Variants in CPLX1 observed in about 807,000 individuals in gnomAD.
CPLX1 encodes the protein complexin-1.
A neutral mutation model predicts 15.6 loss-of-function variants in CPLX1; 6 were observed. The ratio of observed to expected loss-of-function variants is 0.39; its 90% CI spans 0.21 to 0.76. The LOEUF is 0.76. Ranked by LOEUF, CPLX1 falls within the 30% of genes least tolerant of loss-of-function variation. The pLI is 0.43. For synonymous variants in CPLX1, 91 were observed against 75.2 expected, an observed-to-expected ratio of 1.21 and a Z score of -1.08; for missense variants, 242 against 188.6, an observed-to-expected ratio of 1.28 and a Z score of -1.66.
chr4:804,029 G>A (rs908539786), intron 2 of CPLX1, among the ~76,000 whole-genome samples: 5 of 152,244 alleles, frequency 3.3e-5, no homozygotes, highest in African/African-American at 9.6e-5. Context: ...CCGCTACTGC[G>A]GTGTTCAGTG....
chr4:786,140 A>C lies in CPLX1; in HGVS notation c.*361T>G. ...CCCGTCTGCTATGGCTGTGCTCCTGAGTGCGGGCCCGACAGGCGCCCACCG... is the reference window on the plus strand; with the variant it reads ...CCCGTCTGCTATGGCTGTGCTCCTGCGTGCGGGCCCGACAGGCGCCCACCG... On this transcript the variant is annotated 3_prime_UTR_variant, in exon 4 of 4. Coordinates refer to ENST00000304062, the MANE Select transcript of CPLX1 (RefSeq NM_006651.4). The C allele has an allele frequency of 1.2e-5, 2 of 164,858 alleles. No individual in the cohort carries two copies. The highest frequency in any genetic ancestry group is 2.6e-5 in the Non-Finnish European group (2 of 76,626). The allele number at this position is 164,858 out of a possible 1,614,324, so 10.2% of individuals were successfully genotyped here.
At position 787,075 on chromosome 4, in the gene CPLX1, G is replaced by C. The variant is rs1484874223; in HGVS notation, c.208-377C>G. 7.1e-6 allele frequency: 7 copies of C among 985,258 alleles called. No homozygotes were observed. In the African/African-American group the frequency reaches 1.0e-4, roughly 15 times the overall value. The allele number at this position is 985,258 out of a possible 1,614,324, so 61.0% of individuals were successfully genotyped here. The stretch of plus-strand genomic sequence containing the variant: ...GGGGTGGGCAGGATGCTGCGTGGCA[G>C]AGGTGGGGAGAAACAGTCAACCCGC... On this transcript the variant is annotated intron_variant, in intron 3 of 3. Coordinates refer to ENST00000304062, the MANE Select transcript of CPLX1 (RefSeq NM_006651.4).
At chr4:799,103 CCTT>C (rs1386252796) in intron 2 of CPLX1, among the ~76,000 whole-genome samples, 3 of 152,228 alleles carry the variant, frequency 2.0e-5, no homozygotes, top group South Asian at 2.1e-4. Flanking sequence ...CTCTCTCTGA[CCTT>C]CTGCCCTCTT....
At chr4:804,943 T>G in intron 2 of CPLX1, 9 of 981,444 alleles carry the variant, frequency 9.2e-6, no homozygotes, top group Non-Finnish European at 1.1e-5. Context: ...ACGTGCGGAG[T>G]TCACCCGGCG....
intron 2 of CPLX1, among the ~76,000 whole-genome samples, chr4:816,659 T>A (rs115070328): frequency 8.2e-5 from 12 of 146,500 alleles, no homozygotes; most frequent in African/African-American, 3.0e-4. Context: ...GACCCTGTCT[T>A]AAAAAAAAAA....
intron 2 of CPLX1, among the ~76,000 whole-genome samples, chr4:821,444 C>G (rs1046960916): frequency 3.3e-5 from 5 of 152,164 alleles, no homozygotes; most frequent in Admixed American, 6.5e-5. Flanking sequence ...TCCCGAGGAC[C>G]TGAGCGTGTT....
rs532957839 is a variant in CPLX1 at position 821,562 on chromosome 4, G to A, written c.31+2930C>T. ...TCTGCAGTGACCACGGCACCCACAC[G>A]TGCCACGTTCCTCCACGCTGTCCAC... is the stretch of plus-strand genomic sequence containing the variant. On this transcript the variant is annotated intron_variant, in intron 2 of 3. Coordinates refer to ENST00000304062, the MANE Select transcript of CPLX1 (RefSeq NM_006651.4). 5.0e-4 allele frequency among the ~76,000 whole-genome samples: 76 copies of A among 152,324 alleles called. 1 individual carries two copies. Among genetic ancestry groups the A allele is most frequent in the Admixed American group, 4.9e-3 (75 of 15,300 alleles).
chr4:799,829 CT>C (rs1314716812), intron 2 of CPLX1, among the ~76,000 whole-genome samples: 3 of 152,208 alleles, frequency 2.0e-5, no homozygotes, highest in African/African-American at 7.2e-5. Context: ...CACCATTGTA[CT>C]TTAGCCTGAG....
chr4:786,929 G>A (rs6816802), intron 3 of CPLX1: 266,176 of 979,458 alleles, frequency 0.27, 38,311 homozygotes, highest in African/African-American at 0.53. Context: ...GGGGGGAGCA[G>A]GGAGGGGGAG....
chr4:817,489 C>T (rs1474582577), intron 2 of CPLX1, among the ~76,000 whole-genome samples: 2 of 151,054 alleles, frequency 1.3e-5, no homozygotes, highest in African/African-American at 4.9e-5. Context: ...ACCCAGGAGG[C>T]GGAGGTTATA....
chr4:825,066 G>C (rs1746952187), intron 1 of CPLX1, among the ~76,000 whole-genome samples: 1 of 152,208 alleles, frequency 6.6e-6, no homozygotes, highest in Non-Finnish European at 1.5e-5. Flanking sequence ...AGGGAGGCTT[G>C]GGTGACCCTA....
chr4:804,631 G>C, intron 2 of CPLX1: 4 of 593,352 alleles, frequency 6.7e-6, no homozygotes, highest in Non-Finnish European at 8.5e-6. Flanking sequence ...AATCCGGATC[G>C]CACCTTCAGC....
At chr4:824,801 C>T in intron 1 of CPLX1, 200 bp from the exon 2 acceptor site, 2 of 656,242 alleles carry the variant, frequency 3.0e-6, no homozygotes, top group East Asian at 6.0e-5. Context: ...ATGGTCTCCC[C>T]AGCTCCTGGG....
At chr4:818,224 G>A (rs1746796921) in intron 2 of CPLX1, among the ~76,000 whole-genome samples, 1 of 152,248 alleles carries the variant, frequency 6.6e-6, no homozygotes, top group African/African-American at 2.4e-5. Flanking sequence ...GAGGCACCGA[G>A]GCGCTGGAGA....
At chr4:822,870 C>A (rs1746898350) in intron 2 of CPLX1, among the ~76,000 whole-genome samples, 1 of 69,840 alleles carries the variant, frequency 1.4e-5, no homozygotes, top group Non-Finnish European at 3.0e-5. Context: ...TGGCTCCGAG[C>A]CTCAACGTGC....
intron 2 of CPLX1, among the ~76,000 whole-genome samples, chr4:795,906 C>G (rs770882767): frequency 7.9e-5 from 12 of 152,234 alleles, no homozygotes; most frequent in Admixed American, 3.9e-4. Flanking sequence ...GAAGCAGAGA[C>G]GTTTCCTCTG....
At chr4:820,480 G>T (rs1006944967) in intron 2 of CPLX1, among the ~76,000 whole-genome samples, 3 of 152,216 alleles carry the variant, frequency 2.0e-5, no homozygotes, top group African/African-American at 7.2e-5. Context: ...GTAAGTCTCA[G>T]GGGTGGACAC....
At chr4:816,213 ATTTT>A (rs34183163) in intron 2 of CPLX1, among the ~76,000 whole-genome samples, 2 of 115,034 alleles carry the variant, frequency 1.7e-5, no homozygotes, top group Non-Finnish European at 1.7e-5. Flanking sequence ...TCTCCGTGAA[ATTTT>A]TTTTTTTTTT....
At chr4:789,446 T>C (rs932306472) in intron 3 of CPLX1, among the ~76,000 whole-genome samples, 4 of 152,276 alleles carry the variant, frequency 2.6e-5, no homozygotes, top group South Asian at 4.1e-4. Flanking sequence ...ATAGGAATGA[T>C]AGGACCAAAC....
Sources: gnomAD v4.1 joint callset for allele counts (sites outside exome capture counted in the v4.1 genomes callset) on GRCh38, gnomAD v4.1.1 for gene constraint, MANE v1.5 for transcripts, NCBI Gene and HGNC (gene_info 2026-07-23, HGNC 2026-07-21) for gene names.